The following ADARB1 variants were observed in gnomAD, a reference collection of about 807,000 sequenced individuals.
ADARB1 encodes adenosine deaminase RNA specific B1, also known as double-stranded RNA-specific editase 1.
ADARB1 carries 10 observed loss-of-function variants against 52.4 expected under a neutral mutation model. That is an observed-to-expected ratio of 0.19 (90% CI 0.12 to 0.32). The LOEUF is 0.32. Among genes scored for constraint, ADARB1 ranks in the 10% least tolerant of loss-of-function variants. The pLI is 1.00. For missense variants in ADARB1, 643 were observed against 922.3 expected (o/e 0.70, Z 3.92); for synonymous variants, 349 against 371.1 (o/e 0.94, Z 0.68).
intron 1 of ADARB1, among the ~76,000 whole-genome samples, chr21:45,075,425 G>C (rs2085888270): frequency 6.6e-6 from 1 of 151,996 alleles, no homozygotes; most frequent in Admixed American, 6.5e-5. Context: ...TGGAGACTGC[G>C]TTGGGGACGA....
In ADARB1 at chr21:45,176,705, C is replaced by G; in HGVS notation, c.963+41C>G. 1 of 1,541,056 alleles carries G rather than the reference C, an allele frequency of 6.5e-7. No homozygotes were observed. On this transcript the variant is annotated intron_variant, in intron 4 of 10. Coordinates refer to ENST00000348831, the MANE Select transcript of ADARB1 (RefSeq NM_001112.4). This position sits in a 1 kb window ranked among gnomAD's most constrained non-coding sequence, Gnocchi z 5.8. ...GCTGCTTTAAAACACGGGGTCATTGCTCTTGGTAATGCTTCTAGACAGCAT... is the reference window on the plus strand; with the variant it reads ...GCTGCTTTAAAACACGGGGTCATTGGTCTTGGTAATGCTTCTAGACAGCAT...
chr21:45,171,356 TGG>T (rs1021488589), intron 2 of ADARB1, among the ~76,000 whole-genome samples: 1 of 152,222 alleles, frequency 6.6e-6, no homozygotes, highest in African/African-American at 2.4e-5. Flanking sequence ...TCCCTCCATG[TGG>T]GAGAATCCAC....
chr21:45,175,931 T>G lies in ADARB1; in HGVS notation c.230T>G (p.Val77Gly). The change falls in exon 4 of 11, where the codon GTC becomes GGC. Residue 77 changes from valine (V) to glycine (G), a missense_variant. Physicochemically the swap from Val to Gly is moderately radical, Grantham distance 109. This residue lies in a region of ADARB1 where 380 missense variants were observed against 446.5 expected (regional missense o/e 0.85). Coordinates refer to ENST00000348831, the MANE Select transcript of ADARB1 (RefSeq NM_001112.4). ...LKKRRKTPGP[V>G]LPKNALMQLN... is the part of the protein sequence containing the mutation. Reference sequence around the variant, plus strand: ...AAAAGGAGGAAAACACCAGGGCCCGTCCTCCCCAAGAACGCCCTGATGCAG... The same window carrying G: ...AAAAGGAGGAAAACACCAGGGCCCGGCCTCCCCAAGAACGCCCTGATGCAG... 6.2e-7 allele frequency: 1 copy of G among 1,610,136 alleles called. No homozygotes were observed. Among genetic ancestry groups the G allele is most frequent in the African/African-American group, 1.3e-5 (1 of 74,768 alleles).
chr21:45,075,773 TTCC>T (rs2085908287), intron 1 of ADARB1, among the ~76,000 whole-genome samples: 1 of 152,212 alleles, frequency 6.6e-6, no homozygotes, highest in South Asian at 2.1e-4. Context: ...TGGTGTTTAG[TTCC>T]CAGTTAATAT....
rs2093048488 is a variant in ADARB1 at position 45,225,624 on chromosome 21, G to C, written c.*3427G>C. On this transcript the variant is annotated 3_prime_UTR_variant, in exon 11 of 11. Transcript: ENST00000348831. ...TGGGATTAGCGAAGCTGTGGAGACT[G>C]CACATCCGGACCTGCCCATGTCTCA... The C allele has an allele frequency of 2.4e-6, 3 of 1,259,772 alleles. No individual in the cohort carries two copies. Among genetic ancestry groups the C allele is most frequent in the Non-Finnish European group, 3.1e-6 (3 of 972,562 alleles). 78.0% of individuals were successfully genotyped at this position (1,259,772 alleles called of 1,614,324 possible). A position where few individuals can be genotyped will look rare whatever the true frequency, so the allele number is the denominator to read the frequency against.
At chr21:45,174,114 G>A (rs902352909) in intron 3 of ADARB1, among the ~76,000 whole-genome samples, 3 of 152,150 alleles carry the variant, frequency 2.0e-5, no homozygotes, top group Non-Finnish European at 2.9e-5. Context: ...TTTGCTTAAC[G>A]TAATGAGAAT....
chr21:45,085,432 A>G (rs2086302065), intron 1 of ADARB1, among the ~76,000 whole-genome samples: 1 of 152,224 alleles, frequency 6.6e-6, no homozygotes, highest in African/African-American at 2.4e-5. Context: ...GTCGATTTAA[A>G]CAGAGGTTAC....
At chr21:45,076,311 G>A (rs1336130519) in intron 1 of ADARB1, among the ~76,000 whole-genome samples, 3 of 152,206 alleles carry the variant, frequency 2.0e-5, no homozygotes, top group Non-Finnish European at 2.9e-5. Context: ...CAGCCACAAC[G>A]GGGGCTCGGT....
At chr21:45,219,897 A>G (rs2092931522) in intron 9 of ADARB1, among the ~76,000 whole-genome samples, 3 of 152,106 alleles carry the variant, frequency 2.0e-5, no homozygotes, top group African/African-American at 7.2e-5. Flanking sequence ...CCAACAAGCA[A>G]AACGCCTTGA....
rs549628970 is a variant in ADARB1 at position 45,142,469 on chromosome 21, T to G, written c.-48+13896T>G. Among the ~76,000 whole-genome samples the G allele has an allele frequency of 6.6e-6, 1 of 152,266 alleles. No homozygotes were observed. The highest frequency in any genetic ancestry group is 6.5e-5 in the Admixed American group (1 of 15,290). ...AGAAATGTGTTTATGTAAAGAAATA[T>G]GTTACTTGACTTAATATTGTAAGGA... On this transcript the variant is annotated intron_variant, in intron 2 of 10. Transcript: ENST00000348831. The surrounding 1 kb of genome is among the most constrained non-coding windows in gnomAD (Gnocchi z 4.0).
chr21:45,218,938 C>G (rs2092915423), intron 9 of ADARB1, among the ~76,000 whole-genome samples: 1 of 152,170 alleles, frequency 6.6e-6, no homozygotes. Flanking sequence ...CCTATAACAT[C>G]CATGTGATAT....
At chr21:45,075,969 A>C (rs1464903452) in intron 1 of ADARB1, among the ~76,000 whole-genome samples, 1 of 152,212 alleles carries the variant, frequency 6.6e-6, no homozygotes, top group Non-Finnish European at 1.5e-5. Flanking sequence ...GAGAATACAA[A>C]TATGTATTTA....
At chr21:45,153,575 A>G (rs748145896) in intron 2 of ADARB1, among the ~76,000 whole-genome samples, 1 of 152,202 alleles carries the variant, frequency 6.6e-6, no homozygotes, top group Non-Finnish European at 1.5e-5. Flanking sequence ...AGGAAGTAAA[A>G]TTAACCTCGG....
chr21:45,222,306 G>C lies in ADARB1; in HGVS notation c.*109G>C. ...GTGCATACCTTGGGGAGGGAGTAGG[G>C]GGACACGGGGGACCACCAGGTGTCC... On this transcript the variant is annotated 3_prime_UTR_variant, in exon 11 of 11. Coordinates refer to ENST00000348831, the MANE Select transcript of ADARB1 (RefSeq NM_001112.4). 1 of 1,397,650 alleles carries C rather than the reference G, an allele frequency of 7.2e-7. No individual in the cohort carries two copies. The highest frequency in any genetic ancestry group is 1.6e-5 in the South Asian group (1 of 63,404). The allele number at this position is 1,397,650 out of a possible 1,614,324, so 86.6% of individuals were successfully genotyped here.
Position 45,142,733 on chromosome 21 carries a change from G to A in ADARB1, c.-48+14160G>A, listed in dbSNP as rs545971510. On this transcript the variant is annotated intron_variant, in intron 2 of 10. Transcript: ENST00000348831. The surrounding 1 kb of genome is among the most constrained non-coding windows in gnomAD (Gnocchi z 4.0). ...GTGCAGCTGCTGCGGCCTAAGCGGC[G>A]TCCTTGCTTGGTCCCCCCATGAACT... is the stretch of plus-strand genomic sequence containing the variant. 5.9e-5 allele frequency among the ~76,000 whole-genome samples: 9 copies of A among 152,172 alleles called. No homozygotes were observed. Among genetic ancestry groups the A allele is most frequent in the Non-Finnish European group, 8.8e-5 (6 of 68,020 alleles).
At chr21:45,218,656 G>C (rs2092910849) in intron 9 of ADARB1, among the ~76,000 whole-genome samples, 1 of 152,164 alleles carries the variant, frequency 6.6e-6, no homozygotes, top group Non-Finnish European at 1.5e-5. Flanking sequence ...CTCTGCCTGG[G>C]TTCCTTACTC....
chr21:45,160,300 C>T (rs766256480), intron 2 of ADARB1, among the ~76,000 whole-genome samples: 3 of 152,246 alleles, frequency 2.0e-5, no homozygotes, highest in Non-Finnish European at 2.9e-5. Context: ...AGATCCCTGC[C>T]GGGAGCCGCT....
Position 45,204,020 on chromosome 21 carries a change from A to G in ADARB1, c.1566-535A>G, listed in dbSNP as rs141704006. Among the ~76,000 whole-genome samples the G allele has an allele frequency of 9.8e-5, 15 of 152,378 alleles. No individual in the cohort carries two copies. The highest frequency in any genetic ancestry group is 2.9e-4 in the African/African-American group (12 of 41,598). On this transcript the variant is annotated intron_variant, in intron 8 of 10. Transcript: ENST00000348831. This position sits in a 1 kb window ranked among gnomAD's most constrained non-coding sequence, Gnocchi z 4.4. The stretch of plus-strand genomic sequence containing the variant: ...AAGCACAGTGATGCTGTGGCCATCA[A>G]TCTTATCACCAAGGCGACTGCTAAT...
intron 8 of ADARB1, among the ~76,000 whole-genome samples, chr21:45,195,014 G>A (rs950229507): frequency 2.0e-5 from 3 of 152,182 alleles, no homozygotes; most frequent in African/African-American, 7.2e-5. Context: ...CAAAGTGGCT[G>A]CACTGTTTTG....
Sources: allele counts gnomAD v4.1 joint callset (sites outside exome capture counted in the v4.1 genomes callset), GRCh38; gene constraint gnomAD v4.1.1; regional missense constraint gnomAD v4.1.1; non-coding constraint Gnocchi (gnomAD v3.1); transcripts MANE v1.5; gene names NCBI Gene and HGNC (gene_info 2026-07-23, HGNC 2026-07-21).